ATG13: variants seen among roughly 807,000 people sequenced by gnomAD.
ATG13 encodes the protein autophagy-related protein 13.
A neutral mutation model predicts 65.5 loss-of-function variants in ATG13; 23 were observed. The observed-to-expected ratio is 0.35, with a 90% CI of 0.25 to 0.50. ATG13 has a LOEUF of 0.50. ATG13 is among the 20% of genes least tolerant of loss of function. The pLI is 0.98. For synonymous variants in ATG13, 252 were observed against 245.2 expected (o/e 1.03, Z -0.26); for missense variants, 566 against 677.0 (o/e 0.84, Z 1.82).
At chr11:46,636,810 C>G (rs116666753) in intron 2 of ATG13, among the ~76,000 whole-genome samples, 3,384 of 151,548 alleles carry the variant, frequency 0.022, 123 homozygotes, top group African/African-American at 0.077. Context: ...GAGTCTCATT[C>G]TGTCACCAGG....
intron 7 of ATG13, among the ~76,000 whole-genome samples, chr11:46,651,819 T>A (rs1346114582): frequency 6.6e-6 from 1 of 152,220 alleles, no homozygotes; most frequent in Non-Finnish European, 1.5e-5. Context: ...TCAAGTTGTT[T>A]TATTTGAAAA....
chr11:46,621,073 GGTGTGAT>G (rs1480952059), intron 1 of ATG13: 4 of 151,422 alleles, frequency 2.6e-5, no homozygotes, highest in Non-Finnish European at 5.9e-5. Context: ...GGAGTGTAGT[GGTGTGAT>G]CTTGGCTCGC....
At chr11:46,622,308 G>A (rs1233371204) in intron 1 of ATG13, among the ~76,000 whole-genome samples, 1 of 151,098 alleles carries the variant, frequency 6.6e-6, no homozygotes, top group Non-Finnish European at 1.5e-5. Context: ...TAGTAGAGAC[G>A]GGGTTTCACC....
At chr11:46,635,780 CTG>C (rs1440816626) in intron 2 of ATG13, among the ~76,000 whole-genome samples, 1 of 152,142 alleles carries the variant, frequency 6.6e-6, no homozygotes, top group Non-Finnish European at 1.5e-5. Flanking sequence ...GGCTCAATAA[CTG>C]TAGTTACATA....
Position 46,668,019 on chromosome 11 carries a change from G to A in ATG13, c.1251+132G>A, listed in dbSNP as rs369217948. The A allele has an allele frequency of 5.4e-4, 371 of 692,230 alleles. No homozygotes were observed. The African/African-American group carries it at 6.3e-3, about 12-fold the overall frequency. 42.9% of individuals were successfully genotyped at this position (692,230 alleles called of 1,614,324 possible). ...CTGGCATGCAAAACTGTATGTGTGT[G>A]TAAATTTTTCTGTGAAGAGGATTAA... On this transcript the variant is annotated intron_variant, in intron 15 of 18. Coordinates refer to ENST00000683050, the MANE Select transcript of ATG13 (RefSeq NM_001346311.2).
rs11422914 is a variant in ATG13, at chr11:46,663,265, C to CAAA, written c.790-712_790-710dup. On this transcript the variant is annotated intron_variant, in intron 11 of 18. Coordinates refer to ENST00000683050, the MANE Select transcript of ATG13 (RefSeq NM_001346311.2). ...TGGGCGACAGAGTGAGACTCCATCT[C>CAAA]AAAAAAAAAAAAAAAAAAAAAATGG... Among the ~76,000 whole-genome samples, 177 of 76,354 alleles carry CAAA rather than the reference C, an allele frequency of 2.3e-3. 2 individuals carry two copies. The highest frequency in any genetic ancestry group is 3.7e-3 in the African/African-American group (70 of 18,862). The allele number at this position is 76,354 out of a possible 152,430, so 50.1% of individuals were successfully genotyped here.
At chr11:46,624,589 A>C (rs1234225207) in intron 1 of ATG13, among the ~76,000 whole-genome samples, 1 of 151,730 alleles carries the variant, frequency 6.6e-6, no homozygotes, top group Non-Finnish European at 1.5e-5. Flanking sequence ...TTGTCCAATC[A>C]CTTCCTCATG....
intron 2 of ATG13, among the ~76,000 whole-genome samples, chr11:46,636,793 T>G (rs1397822894): frequency 6.6e-6 from 1 of 151,948 alleles, no homozygotes; most frequent in Non-Finnish European, 1.5e-5. Flanking sequence ...TTTTTTCTTT[T>G]GAGGTGGAGT....
In ATG13 at chr11:46,656,285, C is replaced by T. The variant is rs202000661; in HGVS notation, c.499+12C>T. The T allele has an allele frequency of 4.5e-5, 73 of 1,608,596 alleles. No homozygotes were observed. The highest frequency in any genetic ancestry group is 4.3e-4 in the African/African-American group (32 of 74,858). ...TGGCTTAGGAGAAGGTATGTATCAA[C>T]GGTTGAAAAACATCGTAGTGTTCAG... On this transcript the variant is annotated intron_variant, in intron 8 of 18. Coordinates refer to ENST00000683050, the MANE Select transcript of ATG13 (RefSeq NM_001346311.2).
intron 5 of ATG13, 63 bp from the exon 6 acceptor site, chr11:46,649,074 G>A: frequency 7.3e-7 from 1 of 1,375,770 alleles, no homozygotes; most frequent in Non-Finnish European, 1.0e-6. Flanking sequence ...TTTTTATAGT[G>A]ACTGTAATGC....
intron 2 of ATG13, among the ~76,000 whole-genome samples, chr11:46,643,219 G>A (rs1352693659): frequency 2.0e-5 from 3 of 152,084 alleles, no homozygotes; most frequent in African/African-American, 7.2e-5. Context: ...GGGGGTTGGC[G>A]GTTCTTGCCC....
At chr11:46,623,033 G>A (rs1262330518) in intron 1 of ATG13, among the ~76,000 whole-genome samples, 1 of 152,094 alleles carries the variant, frequency 6.6e-6, no homozygotes, top group African/African-American at 2.4e-5. Flanking sequence ...CGTGGCTCAT[G>A]CCTGTAATCC....
Position 46,665,011 on chromosome 11 carries a change from C to T in ATG13, c.999+52C>T. 6 of 1,512,916 alleles carry T rather than the reference C, an allele frequency of 4.0e-6. No homozygotes were observed. In the South Asian group the frequency reaches 6.8e-5, roughly 17 times the overall value. 93.7% of individuals were successfully genotyped at this position (1,512,916 alleles called of 1,614,324 possible). A position where few individuals can be genotyped will look rare whatever the true frequency, so the allele number is the denominator to read the frequency against. On this transcript the variant is annotated intron_variant, in intron 13 of 18. Transcript: ENST00000683050. ...GGGTTTCCAGTGCTGCCTCCCCTGCCCGGAGGCAATTGAGGGGTCTCTCAA... is the reference window on the plus strand; with the variant it reads ...GGGTTTCCAGTGCTGCCTCCCCTGCTCGGAGGCAATTGAGGGGTCTCTCAA...
chr11:46,635,727 C>T (rs73451848), intron 2 of ATG13, among the ~76,000 whole-genome samples: 1,922 of 152,214 alleles, frequency 0.013, 51 homozygotes, highest in African/African-American at 0.044. Context: ...AACACATAGG[C>T]CTGGGAGATA....
chr11:46,663,475 G>A (rs2061610756), intron 11 of ATG13, among the ~76,000 whole-genome samples: 1 of 152,022 alleles, frequency 6.6e-6, no homozygotes, highest in Non-Finnish European at 1.5e-5. Flanking sequence ...GAATGACGTA[G>A]GAAGCATGCA....
In ATG13 at chr11:46,645,856, C is replaced by T. The variant is rs747842964; in HGVS notation, c.151-14C>T. ...CTGTGAGTGTTTCATGCAAAAGTCC[C>T]TTTTGTTTTCCAGTTCAACTTAGCA... On this transcript the variant is annotated splice_polypyrimidine_tract_variant and intron_variant, in intron 4 of 18. Transcript: ENST00000683050. 2 of 1,613,856 alleles carry T rather than the reference C, an allele frequency of 1.2e-6. No individual in the cohort carries two copies. Among genetic ancestry groups the T allele is most frequent in the South Asian group, 2.2e-5 (2 of 91,034 alleles).
intron 7 of ATG13, among the ~76,000 whole-genome samples, chr11:46,655,661 CAGTA>C (rs1178497759): frequency 6.6e-6 from 1 of 152,194 alleles, no homozygotes; most frequent in Non-Finnish European, 1.5e-5. Context: ...CTTTATTTCT[CAGTA>C]GGTATAATTT....
At chr11:46,662,370 T>TA (rs2061384104) in intron 11 of ATG13, among the ~76,000 whole-genome samples, 1 of 152,212 alleles carries the variant, frequency 6.6e-6, no homozygotes, top group African/African-American at 2.4e-5. Context: ...GACTAGGCCT[T>TA]AACCAAATCA....
intron 2 of ATG13, among the ~76,000 whole-genome samples, chr11:46,642,176 C>G (rs1390751934): frequency 1.3e-5 from 2 of 152,026 alleles, no homozygotes; most frequent in African/African-American, 2.4e-5. Flanking sequence ...GTCTGGCTTC[C>G]CTGTTTTTGT....
Sources: allele counts gnomAD v4.1 joint callset (sites outside exome capture counted in the v4.1 genomes callset), GRCh38; gene constraint gnomAD v4.1.1; transcripts MANE v1.5; gene names NCBI Gene and HGNC (gene_info 2026-07-23, HGNC 2026-07-21).